ZFHX3: variants seen among roughly 807,000 people sequenced by gnomAD.
ZFHX3 encodes zinc finger homeobox 3.
ZFHX3 carries 42 observed loss-of-function variants against 279.1 expected under a neutral mutation model. The ratio of observed to expected loss-of-function variants is 0.15; its 90% CI spans 0.12 to 0.19. ZFHX3 has a LOEUF of 0.19. Ranked by LOEUF, ZFHX3 falls within the 10% of genes least tolerant of loss-of-function variation. ZFHX3 has a pLI of 1.00. For synonymous variants in ZFHX3, 2,293 were observed against 1,957.8 expected (o/e 1.17, Z -4.52); for missense variants, 4,981 against 4,754.0 (o/e 1.05, Z -1.40).
chr16:72,936,794 G>C (rs1253845461), intron 3 of ZFHX3, among the ~76,000 whole-genome samples: 2 of 152,212 alleles, frequency 1.3e-5, no homozygotes, highest in Admixed American at 1.3e-4. Flanking sequence ...GTCTTTGCAA[G>C]AGAGTGATAT....
At chr16:73,208,695 T>C (rs953988080) in intron 5 of ZFHX3, among the ~76,000 whole-genome samples, 2 of 152,182 alleles carry the variant, frequency 1.3e-5, no homozygotes, top group Admixed American at 6.5e-5. Flanking sequence ...GCTACATAGG[T>C]AGCTATCTTT....
chr16:73,478,029 T>C (rs28504149), intron 2 of ZFHX3, among the ~76,000 whole-genome samples: 1,893 of 152,118 alleles, frequency 0.012, 45 homozygotes, highest in African/African-American at 0.043. Context: ...TCCCAGCACT[T>C]TGGGAGGCCG....
chr16:73,609,625 A>T (rs923417008), intron 2 of ZFHX3: 1 of 152,048 alleles, frequency 6.6e-6, no homozygotes, highest in African/African-American at 2.4e-5. Flanking sequence ...CAGGAAAATC[A>T]TAGGTAACTT....
At chr16:73,544,443 C>T (rs1384515488) in intron 2 of ZFHX3, among the ~76,000 whole-genome samples, 1 of 152,180 alleles carries the variant, frequency 6.6e-6, no homozygotes, top group African/African-American at 2.4e-5. Flanking sequence ...GACAGCCAAG[C>T]AGGAACTCTT....
At chr16:73,498,290 T>C (rs1398023693) in intron 2 of ZFHX3, among the ~76,000 whole-genome samples, 1 of 152,178 alleles carries the variant, frequency 6.6e-6, no homozygotes, top group Non-Finnish European at 1.5e-5. Flanking sequence ...TGGTGTTGGC[T>C]TTTGGTAGGG....
At chr16:73,847,904 GTTTTTTTTTTTTTTT>G (rs60189791) in intron 1 of ZFHX3, among the ~76,000 whole-genome samples, 3 of 80,056 alleles carry the variant, frequency 3.7e-5, no homozygotes, top group Non-Finnish European at 6.9e-5. Context: ...TGCCTGGCTA[GTTTTTTTTTTTTTTT>G]TTTTTTTTTT....
Position 72,787,716 on chromosome 16 carries a change from GCCA to G in ZFHX3, c.10557_10559del (p.Gly3527del), listed in dbSNP as rs766266415. ...ACGAGCCGCCGCCGCCGCCGCCGCC[GCCA>G]CCGCCGCCGCCGCCGCCACTGCCAC... On this transcript the variant is annotated inframe_deletion, in exon 10 of 10. Transcript: ENST00000268489. 2.8e-4 allele frequency: 384 copies of G among 1,371,610 alleles called. 5 individuals carry two copies. Among genetic ancestry groups the G allele is most frequent in the Middle Eastern group, 8.0e-4 (4 of 5,020 alleles). The allele number at this position is 1,371,610 out of a possible 1,614,324, so 85.0% of individuals were successfully genotyped here. A position where few individuals can be genotyped will look rare whatever the true frequency, so the allele number is the denominator to read the frequency against.
At chr16:73,491,366 C>T (rs940449317) in intron 2 of ZFHX3, among the ~76,000 whole-genome samples, 1 of 152,204 alleles carries the variant, frequency 6.6e-6, no homozygotes, top group Non-Finnish European at 1.5e-5. Context: ...GGCTTCAATT[C>T]ACTGCAAAGG....
chr16:72,785,257 G>GTGTGTTAACAGGAATATGGATATTAA lies in ZFHX3; in HGVS notation c.*1881_*1906dup, dbSNP rs2035312613. On this transcript the variant is annotated 3_prime_UTR_variant, in exon 10 of 10. Coordinates refer to ENST00000268489, the MANE Select transcript of ZFHX3 (RefSeq NM_006885.4). The stretch of plus-strand genomic sequence containing the variant: ...TTTTTCTTTTTACATGAGAAAGGGT[G>GTGTGTTAACAGGAATATGGATATTAA]TGTGTTAACAGGAATATGGATATTA... The GTGTGTTAACAGGAATATGGATATTAA allele has an allele frequency of 1.3e-5, 2 of 152,042 alleles. No homozygotes were observed. Among genetic ancestry groups the GTGTGTTAACAGGAATATGGATATTAA allele is most frequent in the African/African-American group, 4.8e-5 (2 of 41,460 alleles). 9.4% of individuals were successfully genotyped at this position (152,042 alleles called of 1,614,324 possible).
chr16:73,161,936 G>A (rs1374282266), intron 5 of ZFHX3, among the ~76,000 whole-genome samples: 1 of 152,164 alleles, frequency 6.6e-6, no homozygotes, highest in African/African-American at 2.4e-5. Context: ...GGGTTTGAAA[G>A]GTATCATTTG....
intron 5 of ZFHX3, among the ~76,000 whole-genome samples, chr16:73,182,769 C>T (rs149796576): frequency 1.3e-5 from 2 of 152,158 alleles, no homozygotes; most frequent in East Asian, 3.9e-4. Flanking sequence ...ATTATCCTAA[C>T]TGAAATAGCT....
rs369993422 is a variant in ZFHX3 at position 73,105,995 on chromosome 16, G to A, written c.-896-12397C>T. Among the ~76,000 whole-genome samples, 392 of 129,270 alleles carry A rather than the reference G, an allele frequency of 3.0e-3. 10 individuals are homozygous for A. In the South Asian group the frequency reaches 0.066, roughly 22 times the overall value. The allele number at this position is 129,270 out of a possible 152,430, so 84.8% of individuals were successfully genotyped here. A position where few individuals can be genotyped will look rare whatever the true frequency, so the allele number is the denominator to read the frequency against. On this transcript the variant is annotated intron_variant, in intron 7 of 17. Coordinates refer to the ZFHX3 transcript ENST00000641206. ...TCATGCAATACCTGCCGCCCGGAAC[G>A]CCAGCCTCAGAGCCAGGGAATCCTC...
At chr16:72,829,707 A>G (rs1209301079) in intron 5 of ZFHX3, 72 bp downstream of exon 5, 4 of 1,544,200 alleles carry the variant, frequency 2.6e-6, no homozygotes, top group East Asian at 2.2e-5. Flanking sequence ...CCATTCTTCC[A>G]GGGAAGGAAA....
At chr16:73,093,641 C>T (rs1002666217) in intron 7 of ZFHX3, 12 of 484,038 alleles carry the variant, frequency 2.5e-5, no homozygotes, top group African/African-American at 2.1e-4. Context: ...AACTCGGCCT[C>T]TCCCCACAGA....
At chr16:73,312,322 A>C (rs2015346257) in intron 4 of ZFHX3, among the ~76,000 whole-genome samples, 1 of 152,192 alleles carries the variant, frequency 6.6e-6, no homozygotes, top group Non-Finnish European at 1.5e-5. Context: ...GGCCCAGACC[A>C]CAGAGCTGGC....
chr16:72,853,646 T>C (rs1477512116), intron 4 of ZFHX3, among the ~76,000 whole-genome samples: 1 of 152,154 alleles, frequency 6.6e-6, no homozygotes, highest in Non-Finnish European at 1.5e-5. Flanking sequence ...TACATTCTCA[T>C]GAGAGGAGAC....
chr16:73,879,638 A>T (rs1485983899), intron 1 of ZFHX3, among the ~76,000 whole-genome samples: 1 of 152,182 alleles, frequency 6.6e-6, no homozygotes, highest in Non-Finnish European at 1.5e-5. Context: ...TGTTTTCACT[A>T]GTACTAGCAA....
At chr16:73,885,501 AG>A (rs2030316767) in intron 1 of ZFHX3, among the ~76,000 whole-genome samples, 1 of 152,126 alleles carries the variant, frequency 6.6e-6, no homozygotes, top group South Asian at 2.1e-4. Flanking sequence ...ATCTCTGAAA[AG>A]GGGAAGTGGT....
chr16:73,649,519 C>T (rs2052651312), intron 2 of ZFHX3, among the ~76,000 whole-genome samples: 1 of 152,142 alleles, frequency 6.6e-6, no homozygotes, highest in African/African-American at 2.4e-5. Flanking sequence ...TAGGTATTCT[C>T]TGGTCTCTTG....
Sources: gnomAD v4.1 joint callset for allele counts (sites outside exome capture counted in the v4.1 genomes callset) on GRCh38, gnomAD v4.1.1 for gene constraint, MANE v1.5 for transcripts, NCBI Gene and HGNC (gene_info 2026-07-23, HGNC 2026-07-21) for gene names.